Variants in OR9Q1 observed in about 807,000 individuals in gnomAD.
The protein encoded by OR9Q1 is olfactory receptor 9Q1.
For synonymous variants in OR9Q1, 153 were observed against 148.6 expected, an observed-to-expected ratio of 1.03 and a Z score of -0.22; for missense variants, 374 against 378.8, an observed-to-expected ratio of 0.99 and a Z score of 0.11.
chr11:58,038,587 G>T (rs1853130301), intron 1 of OR9Q1, among the ~76,000 whole-genome samples: 1 of 152,136 alleles, frequency 6.6e-6, no homozygotes, highest in African/African-American at 2.4e-5. Flanking sequence ...ATACTGATTT[G>T]TTAGGTAGAA....
At chr11:58,127,489 G>A (rs749662235) in intron 2 of OR9Q1, among the ~76,000 whole-genome samples, 13 of 152,158 alleles carry the variant, frequency 8.5e-5, no homozygotes, top group Non-Finnish European at 1.0e-4. Flanking sequence ...ATTATGCCAT[G>A]GGCCTAGTTC....
intron 1 of OR9Q1, among the ~76,000 whole-genome samples, chr11:58,048,311 T>C (rs1015532746): frequency 1.3e-5 from 2 of 152,160 alleles, no homozygotes. Flanking sequence ...GATTTGATCA[T>C]TACATATTGT....
chr11:58,071,227 C>G (rs2120019514), intron 2 of OR9Q1, among the ~76,000 whole-genome samples: 1 of 152,320 alleles, frequency 6.6e-6, no homozygotes, highest in African/African-American at 2.4e-5. Context: ...TTGGCTCACG[C>G]CTGTAATCCC....
chr11:58,111,921 C>T (rs1853905092), intron 2 of OR9Q1, among the ~76,000 whole-genome samples: 1 of 152,096 alleles, frequency 6.6e-6, no homozygotes, highest in African/African-American at 2.4e-5. Context: ...GGTATGTAAT[C>T]TATGCTTCAG....
At chr11:58,063,901 G>T (rs2441979) in intron 2 of OR9Q1, among the ~76,000 whole-genome samples, 101,433 of 151,954 alleles carry the variant, frequency 0.67, 34,280 homozygotes, top group Middle Eastern at 0.79. Context: ...CCAGTGGAAT[G>T]GTTTGTCACT....
intron 1 of OR9Q1, among the ~76,000 whole-genome samples, chr11:58,038,279 A>G (rs1853127862): frequency 6.6e-6 from 1 of 152,196 alleles, no homozygotes; most frequent in Non-Finnish European, 1.5e-5. Flanking sequence ...ATTGATAGCT[A>G]AATTTTTAAA....
At chr11:58,030,147 C>T (rs766217371) in intron 1 of OR9Q1, among the ~76,000 whole-genome samples, 17 of 152,168 alleles carry the variant, frequency 1.1e-4, no homozygotes, top group Non-Finnish European at 2.2e-4. Context: ...CGGCCTCTGG[C>T]TCTTATCTTG....
intron 1 of OR9Q1, among the ~76,000 whole-genome samples, chr11:58,055,629 T>G (rs1853319700): frequency 6.6e-6 from 1 of 151,874 alleles, no homozygotes; most frequent in Non-Finnish European, 1.5e-5. Flanking sequence ...TGAAACCCCA[T>G]GTTTGCAGAA....
intron 1 of OR9Q1, chr11:58,031,836 G>T: frequency 1.2e-6 from 2 of 1,614,108 alleles, no homozygotes; most frequent in Non-Finnish European, 1.7e-6. Context: ...CTCATCTACA[G>T]TCTTAGGAAC....
At position 58,133,857 on chromosome 11, in the gene OR9Q1, T is replaced by C. The variant is rs1004077187; in HGVS notation, c.-14-45574T>C. Reference sequence around the variant, plus strand: ...TAGAACAATCTCCTTTGTGGATGAGTAATTTCCCCATTTTTGGAATTGTTC... The same window carrying C: ...TAGAACAATCTCCTTTGTGGATGAGCAATTTCCCCATTTTTGGAATTGTTC... On this transcript the variant is annotated intron_variant, in intron 2 of 2. Transcript: ENST00000335397. Among the ~76,000 whole-genome samples, 3 of 152,266 alleles carry C rather than the reference T, an allele frequency of 2.0e-5. No individual in the cohort carries two copies. The East Asian group carries it at 5.8e-4, about 29-fold the overall frequency.
rs1476577192 is a variant in OR9Q1 at position 58,179,844 on chromosome 11, A to G, written c.400A>G (p.Thr134Ala). The G allele has an allele frequency of 3.1e-6, 5 of 1,613,972 alleles. No individual in the cohort carries two copies. The change falls in exon 3 of 3, where the codon ACC (threonine) becomes GCC (alanine). Residue 134 changes from threonine to alanine, a missense_variant. Thr to Ala is a moderately conservative substitution (Grantham distance 58). Transcript: ENST00000335397. ...LAVCQPLLYVTILTQQARLSL... is the reference protein window; with the variant it reads ...LAVCQPLLYVAILTQQARLSL... ...TGTGTGCCAGCCCCTGCTTTATGTC[A>G]CCATCCTGACACAGCAGGCCCGCTT...
chr11:58,077,125 A>G (rs915009999), intron 2 of OR9Q1, among the ~76,000 whole-genome samples: 1 of 152,192 alleles, frequency 6.6e-6, no homozygotes, highest in African/African-American at 2.4e-5. Context: ...TGAGATTTCT[A>G]TAACTCTTGG....
intron 1 of OR9Q1, among the ~76,000 whole-genome samples, chr11:58,043,764 C>G (rs904511635): frequency 1.3e-5 from 2 of 152,220 alleles, no homozygotes; most frequent in African/African-American, 4.8e-5. Flanking sequence ...AACGTGCTTT[C>G]ACAGCTCGAT....
intron 2 of OR9Q1, among the ~76,000 whole-genome samples, chr11:58,122,759 C>G (rs574038112): frequency 3.0e-4 from 46 of 152,034 alleles, no homozygotes; most frequent in African/African-American, 8.7e-4. Flanking sequence ...TCCCCTGTTC[C>G]TCTTAAGTGT....
At chr11:58,154,106 G>T (rs1008286091) in intron 2 of OR9Q1, among the ~76,000 whole-genome samples, 10 of 151,426 alleles carry the variant, frequency 6.6e-5, no homozygotes, top group African/African-American at 2.2e-4. Context: ...AGGGGAGGAG[G>T]AAGGAGGAGG....
chr11:58,141,429 T>G (rs1451374147), intron 2 of OR9Q1, among the ~76,000 whole-genome samples: 2 of 152,164 alleles, frequency 1.3e-5, no homozygotes, highest in African/African-American at 4.8e-5. Flanking sequence ...TTAGCATGAA[T>G]GGTTGTTGAA....
At chr11:58,045,666 T>C (rs1348210455) in intron 1 of OR9Q1, among the ~76,000 whole-genome samples, 7 of 152,210 alleles carry the variant, frequency 4.6e-5, no homozygotes, top group Non-Finnish European at 8.8e-5. Context: ...AAGTGTTAAC[T>C]GAAGAGTCTG....
At chr11:58,119,433 A>G (rs535325972) in intron 2 of OR9Q1, 15 of 1,602,978 alleles carry the variant, frequency 9.4e-6, no homozygotes, top group Admixed American at 6.7e-5. Flanking sequence ...TGGTGAGATT[A>G]TTCTTGGCCA....
intron 2 of OR9Q1, among the ~76,000 whole-genome samples, chr11:58,060,449 G>T (rs1853369357): frequency 6.6e-6 from 1 of 152,192 alleles, no homozygotes; most frequent in Non-Finnish European, 1.5e-5. Flanking sequence ...GAGTCCACTT[G>T]ACCTGGAGGC....
Sources: allele counts gnomAD v4.1 joint callset (sites outside exome capture counted in the v4.1 genomes callset), GRCh38; gene constraint gnomAD v4.1.1; transcripts MANE v1.5; gene names NCBI Gene and HGNC (gene_info 2026-07-23, HGNC 2026-07-21).